Variants in FOXN2 observed in about 807,000 individuals in gnomAD.
FOXN2 encodes the protein forkhead box N2, also known as forkhead box protein N2.
FOXN2 carries 19 observed loss-of-function variants against 41.2 expected under a neutral mutation model. That is an observed-to-expected ratio of 0.46 (90% CI 0.32 to 0.68). The LOEUF is 0.68. Among genes scored for constraint, FOXN2 ranks in the 30% least tolerant of loss-of-function variants. The probability of loss-of-function intolerance (pLI) is 0.03; values close to 1 mark genes in which losing one functional copy is unlikely to be tolerated. For missense variants in FOXN2, 587 were observed against 509.4 expected, an observed-to-expected ratio of 1.15 and a Z score of -1.47; for synonymous variants, 195 against 176.8, an observed-to-expected ratio of 1.10 and a Z score of -0.82.
At position 48,335,088 on chromosome 2, in the gene FOXN2, A is replaced by G. The variant is rs192540702; in HGVS notation, c.-15+6386A>G. Reference sequence around the variant, plus strand: ...GTTCTAATGAAAATAAGTGGCTTATAATAAAAATTACAGGCCATCCAAGGA... The same window carrying G: ...GTTCTAATGAAAATAAGTGGCTTATGATAAAAATTACAGGCCATCCAAGGA... On this transcript the variant is annotated intron_variant, in intron 2 of 6. Transcript: ENST00000340553. 1.8e-4 allele frequency among the ~76,000 whole-genome samples: 27 copies of G among 152,362 alleles called. No individual in the cohort carries two copies. In the East Asian group the frequency reaches 5.0e-3, roughly 28 times the overall value.
chr2:48,314,179 G>C (rs1210733683), upstream of FOXN2, among the ~76,000 whole-genome samples: 1 of 152,242 alleles, frequency 6.6e-6, no homozygotes, highest in African/African-American at 2.4e-5. Context: ...ACATAACGTG[G>C]GGTGTCGAGG....
chr2:48,321,131 G>A (rs1669287972), intron 1 of FOXN2, among the ~76,000 whole-genome samples: 1 of 152,102 alleles, frequency 6.6e-6, no homozygotes, highest in Non-Finnish European at 1.5e-5. Context: ...GTCTGTAGTA[G>A]AGCATAAAAA....
chr2:48,349,261 G>A (rs187015307), intron 3 of FOXN2, among the ~76,000 whole-genome samples: 2 of 152,236 alleles, frequency 1.3e-5, no homozygotes, highest in African/African-American at 4.8e-5. Flanking sequence ...TGAGACAGGT[G>A]GATCGCTTGA....
In FOXN2 at chr2:48,371,730, G is replaced by A. The variant is rs79886468; in HGVS notation, c.704-1562G>A. On this transcript the variant is annotated intron_variant, in intron 5 of 6. Transcript: ENST00000340553. The stretch of plus-strand genomic sequence containing the variant: ...CAATACTAATTTTTCCTATCCATGA[G>A]TATGGGATGTCTGTTTGTATTGTCT... Among the ~76,000 whole-genome samples, 772 of 152,186 alleles carry A rather than the reference G, an allele frequency of 5.1e-3. 11 individuals are homozygous for A. The highest frequency in any genetic ancestry group is 7.5e-3 in the Non-Finnish European group (512 of 68,018).
chr2:48,323,528 A>G (rs1669473870), intron 1 of FOXN2, among the ~76,000 whole-genome samples: 1 of 152,070 alleles, frequency 6.6e-6, no homozygotes, highest in Non-Finnish European at 1.5e-5. Context: ...GGCTGCCTTT[A>G]TGTCTTGAAA....
At chr2:48,370,903 T>C (rs2104524258) in intron 5 of FOXN2, among the ~76,000 whole-genome samples, 1 of 152,340 alleles carries the variant, frequency 6.6e-6, no homozygotes, top group Admixed American at 6.5e-5. Context: ...ATCTTTGTTT[T>C]CTCCTGGTAG....
In FOXN2 at chr2:48,379,219, A is replaced by G. The variant is rs1266666289; in HGVS notation, c.*3776A>G. 1 of 152,658 alleles carries G rather than the reference A, an allele frequency of 6.6e-6. No homozygotes were observed. 9.5% of individuals were successfully genotyped at this position (152,658 alleles called of 1,614,324 possible). On this transcript the variant is annotated 3_prime_UTR_variant, in exon 7 of 7. Coordinates refer to ENST00000340553, the MANE Select transcript of FOXN2 (RefSeq NM_002158.4). The stretch of plus-strand genomic sequence containing the variant: ...CTAATCTCTGATTATTAAAATGTTT[A>G]TAAAGTTTATTTTTACCAAAGAGAT...
intron 2 of FOXN2, among the ~76,000 whole-genome samples, chr2:48,330,359 T>C (rs1572707307): frequency 6.6e-6 from 1 of 152,180 alleles, no homozygotes; most frequent in East Asian, 1.9e-4. Flanking sequence ...GCTTATAAAA[T>C]TGCAGTGAAT....
chr2:48,322,919 GT>G (rs1669431301), intron 1 of FOXN2, among the ~76,000 whole-genome samples: 1 of 147,510 alleles, frequency 6.8e-6, no homozygotes, highest in East Asian at 2.0e-4. Context: ...TTTTTTTTTA[GT>G]TGTAACTTTG....
chr2:48,367,305 AAGC>A (rs1672597972), intron 5 of FOXN2, among the ~76,000 whole-genome samples: 2 of 152,216 alleles, frequency 1.3e-5, no homozygotes, highest in South Asian at 4.1e-4. Flanking sequence ...TCAGTGAAAA[AAGC>A]AGACAAAAAT....
intron 1 of FOXN2, among the ~76,000 whole-genome samples, chr2:48,318,229 A>T (rs1191528074): frequency 6.6e-6 from 1 of 152,064 alleles, no homozygotes; most frequent in Admixed American, 6.6e-5. Flanking sequence ...TTAACTACAT[A>T]CTTTATTCCT....
At position 48,334,829 on chromosome 2, in the gene FOXN2, A is replaced by G. The variant is rs77192495; in HGVS notation, c.-15+6127A>G. The stretch of plus-strand genomic sequence containing the variant: ...CCTTTATAAGAGTGATATAGAAATT[A>G]TTTCCCTTTATGCCCCCAGGGTTTC... On this transcript the variant is annotated intron_variant, in intron 2 of 6. Coordinates refer to ENST00000340553, the MANE Select transcript of FOXN2 (RefSeq NM_002158.4). Among the ~76,000 whole-genome samples the G allele has an allele frequency of 1.5e-3, 231 of 152,258 alleles. 2 individuals are homozygous for G. The East Asian group carries it at 0.027, about 18-fold the overall frequency.
In FOXN2 at chr2:48,359,120, A is replaced by T; in HGVS notation, c.611A>T (p.Gln204Leu). 6.2e-7 allele frequency: 1 copy of T among 1,613,668 alleles called. No homozygotes were observed. Among genetic ancestry groups the T allele is most frequent in the South Asian group, 1.1e-5 (1 of 91,070 alleles). The change falls in exon 4 of 7, where the codon CAA becomes CTA. Residue 204 changes from glutamine to leucine, a missense_variant. Transcript: ENST00000340553. ...AATCTTATCCAGGCACTGAAGAAGC[A>T]ACCTTTTTCTTCAGCATCTTCACAA... ...KPNLIQALKK[Q>L]PFSSASSQNG...
chr2:48,373,766 C>A (rs528203035), intron 6 of FOXN2, among the ~76,000 whole-genome samples: 2 of 152,144 alleles, frequency 1.3e-5, no homozygotes, highest in South Asian at 4.2e-4. Flanking sequence ...AAAATTTTAG[C>A]ATTCTGGTCA....
intron 3 of FOXN2, among the ~76,000 whole-genome samples, chr2:48,358,534 TTA>T (rs1276232179): frequency 1.3e-5 from 2 of 152,142 alleles, no homozygotes; most frequent in Admixed American, 6.5e-5. Flanking sequence ...GCTATAAAAA[TTA>T]TGAAATGATA....
chr2:48,334,482 ATC>A (rs5830991), intron 2 of FOXN2, among the ~76,000 whole-genome samples: 31,176 of 152,138 alleles, frequency 0.2, 3,576 homozygotes, highest in East Asian at 0.45. Context: ...TAATGTAAAC[ATC>A]TGTTTCCAGC....
intron 5 of FOXN2, among the ~76,000 whole-genome samples, chr2:48,370,425 CTT>C (rs1324648525): frequency 3.9e-5 from 6 of 152,186 alleles, no homozygotes. Context: ...GCCCAGTACT[CTT>C]TTCCCTCAGA....
chr2:48,367,011 G>C (rs1672577421), intron 5 of FOXN2, among the ~76,000 whole-genome samples: 1 of 152,086 alleles, frequency 6.6e-6, no homozygotes, highest in Non-Finnish European at 1.5e-5. Flanking sequence ...GCTACCTTTA[G>C]ACACGGAAAA....
intron 1 of FOXN2, among the ~76,000 whole-genome samples, chr2:48,316,151 C>T (rs995796888): frequency 4.6e-5 from 7 of 152,028 alleles, no homozygotes; most frequent in African/African-American, 1.7e-4. Context: ...AGAAGCTGAA[C>T]CATTCATGCC....
Sources: allele counts gnomAD v4.1 joint callset (sites outside exome capture counted in the v4.1 genomes callset), GRCh38; gene constraint gnomAD v4.1.1; transcripts MANE v1.5; gene names NCBI Gene and HGNC (gene_info 2026-07-23, HGNC 2026-07-21).